RARB: variants seen among roughly 807,000 people sequenced by gnomAD.
RARB encodes HBV-activated protein.
In RARB, 17 loss-of-function variants were observed where a neutral mutation model predicts 51.9. That is an observed-to-expected ratio of 0.33 (90% CI 0.22 to 0.49). The LOEUF (loss-of-function observed/expected upper bound fraction) is 0.49, where lower values mean the gene tolerates loss of function less well. Among genes scored for constraint, RARB ranks in the 20% least tolerant of loss-of-function variants. RARB has a pLI of 0.99. For synonymous variants in RARB, 215 were observed against 195.4 expected (o/e 1.10, Z -0.84); for missense variants, 369 against 550.8 (o/e 0.67, Z 3.30).
In RARB at chr3:25,456,742, C is replaced by T. The variant is rs949828035; in HGVS notation, c.158-4451C>T. 2.8e-5 allele frequency among the ~76,000 whole-genome samples: 4 copies of T among 145,274 alleles called. No homozygotes were observed. In the Admixed American group the frequency reaches 2.8e-4, roughly 10 times the overall value. Reference sequence around the variant, plus strand: ...AGTCAAATACTTAATTTTTTACTACCAGTGGGAAAATTTTTCCAAAGATGA... The same window carrying T: ...AGTCAAATACTTAATTTTTTACTACTAGTGGGAAAATTTTTCCAAAGATGA... On this transcript the variant is annotated intron_variant, in intron 1 of 7. Transcript: ENST00000330688.
chr3:24,998,518 T>C (rs1697091729), intron 2 of RARB, among the ~76,000 whole-genome samples: 2 of 152,052 alleles, frequency 1.3e-5, no homozygotes, highest in Admixed American at 6.6e-5. Flanking sequence ...GTTTTTGCAG[T>C]ATTCCTTTTT....
intron 2 of RARB, among the ~76,000 whole-genome samples, chr3:25,499,802 A>C (rs543455775): frequency 6.6e-6 from 1 of 152,262 alleles, no homozygotes; most frequent in East Asian, 1.9e-4. Context: ...GGAAAAGAGA[A>C]TACCGGAATA....
intron 5 of RARB, among the ~76,000 whole-genome samples, chr3:25,222,203 A>G (rs1032760476): frequency 6.6e-6 from 1 of 152,200 alleles, no homozygotes; most frequent in African/African-American, 2.4e-5. Flanking sequence ...GGGCAGATAT[A>G]TGATGACTGC....
intron 3 of RARB, among the ~76,000 whole-genome samples, chr3:25,544,344 G>A (rs968403886): frequency 6.6e-6 from 1 of 152,174 alleles, no homozygotes; most frequent in African/African-American, 2.4e-5. Flanking sequence ...GTGAGCCCAT[G>A]TTGTTTTTTA....
At chr3:24,911,805 G>A (rs1269804041) in intron 2 of RARB, among the ~76,000 whole-genome samples, 1 of 152,134 alleles carries the variant, frequency 6.6e-6, no homozygotes, top group Non-Finnish European at 1.5e-5. Context: ...GTACCATATT[G>A]TGGATTAAAA....
intron 5 of RARB, among the ~76,000 whole-genome samples, chr3:25,367,817 C>CAAAA (rs369165017): frequency 5.6e-5 from 7 of 125,572 alleles, no homozygotes; most frequent in African/African-American, 1.3e-4. Flanking sequence ...AAAAAACAAG[C>CAAAA]AAAAAAAAAA....
At chr3:25,590,814 C>T (rs1559482677) in intron 5 of RARB, among the ~76,000 whole-genome samples, 1 of 152,230 alleles carries the variant, frequency 6.6e-6, no homozygotes, top group East Asian at 1.9e-4. Context: ...TGATAACTCC[C>T]TGCACAGACA....
At chr3:25,494,606 T>G (rs573425836) in intron 2 of RARB, among the ~76,000 whole-genome samples, 1 of 152,338 alleles carries the variant, frequency 6.6e-6, no homozygotes, top group African/African-American at 2.4e-5. Flanking sequence ...CTTGACTTAC[T>G]GTTTCTTCTG....
At chr3:25,160,066 T>A (rs1700449217) in intron 4 of RARB, among the ~76,000 whole-genome samples, 1 of 152,232 alleles carries the variant, frequency 6.6e-6, no homozygotes, top group Admixed American at 6.5e-5. Context: ...AGCTTCTCTC[T>A]ATAAACTCAC....
chr3:24,976,274 G>A (rs535437428), intron 2 of RARB, among the ~76,000 whole-genome samples: 7 of 152,146 alleles, frequency 4.6e-5, no homozygotes, highest in South Asian at 2.1e-4. Context: ...TAATTCTTTT[G>A]GTATATACTT....
At chr3:25,398,372 C>T (rs2125492479) in intron 5 of RARB, among the ~76,000 whole-genome samples, 1 of 152,206 alleles carries the variant, frequency 6.6e-6, no homozygotes, top group South Asian at 2.1e-4. Flanking sequence ...AAAGAAAAGC[C>T]ACAATAAGGC....
Position 25,516,631 on chromosome 3 carries a change from C to CTTTTTTTTTTTTTTTTTTTTTTTTTT in RARB, c.448+15321_448+15322insTTTTTTTTTTTTTTTTTTTTTTTTTT, listed in dbSNP as rs559135603. Among the ~76,000 whole-genome samples the CTTTTTTTTTTTTTTTTTTTTTTTTTT allele has an allele frequency of 2.0e-4, 27 of 131,722 alleles. 1 individual carries two copies. The highest frequency in any genetic ancestry group is 8.5e-4 in the African/African-American group (26 of 30,448). 86.4% of individuals were successfully genotyped at this position (131,722 alleles called of 152,430 possible). ...CAAAGGTTCATCTTTATTTCCTTGT[C>CTTTTTTTTTTTTTTTTTTTTTTTTTT]TTTTTTTTTTTTTGAGACAGGGTCA... is the stretch of plus-strand genomic sequence containing the variant. On this transcript the variant is annotated intron_variant, in intron 3 of 7. Transcript: ENST00000330688.
intron 3 of RARB, among the ~76,000 whole-genome samples, chr3:25,555,218 A>G (rs1022074176): frequency 2.6e-5 from 4 of 152,170 alleles, no homozygotes; most frequent in African/African-American, 9.7e-5. Context: ...AATACATGCA[A>G]TAGTTTCTGC....
At position 25,125,415 on chromosome 3, in the gene RARB, G is replaced by T. The variant is rs531862895; in HGVS notation, c.-327-6746G>T. Among the ~76,000 whole-genome samples, 68 of 152,286 alleles carry T rather than the reference G, an allele frequency of 4.5e-4. 1 individual carries two copies. Among genetic ancestry groups the T allele is most frequent in the Admixed American group, 2.0e-3 (30 of 15,276 alleles). On this transcript the variant is annotated intron_variant, in intron 3 of 11. Coordinates refer to the RARB transcript ENST00000383772. ...AGGACCGTTCTAATGAGAAGACAGAGCACAAGCAAATAAAGACACACAAAA... is the reference window on the plus strand; with the variant it reads ...AGGACCGTTCTAATGAGAAGACAGATCACAAGCAAATAAAGACACACAAAA...
At chr3:25,464,703 A>G (rs1012532907) in intron 2 of RARB, among the ~76,000 whole-genome samples, 7 of 152,172 alleles carry the variant, frequency 4.6e-5, no homozygotes, top group African/African-American at 1.2e-4. Flanking sequence ...AAAATTATCA[A>G]TACAGTATAG....
chr3:24,924,436 C>G (rs1048150507), intron 2 of RARB, among the ~76,000 whole-genome samples: 3 of 152,100 alleles, frequency 2.0e-5, no homozygotes, highest in Non-Finnish European at 4.4e-5. Flanking sequence ...TATCTGTGCT[C>G]CTCAGTATGG....
intron 3 of RARB, among the ~76,000 whole-genome samples, chr3:25,568,514 C>G (rs1220457906): frequency 2.6e-5 from 4 of 151,812 alleles, no homozygotes; most frequent in African/African-American, 7.3e-5. Context: ...TTCCTTTCTT[C>G]CCCCTTCTCA....
At chr3:25,125,435 A>C (rs1699846138) in intron 3 of RARB, among the ~76,000 whole-genome samples, 1 of 152,186 alleles carries the variant, frequency 6.6e-6, no homozygotes, top group Non-Finnish European at 1.5e-5. Flanking sequence ...ATAAAGACAC[A>C]CAAAATTGCA....
At chr3:25,425,316 A>G (rs1707960311), upstream of RARB, among the ~76,000 whole-genome samples, 1 of 152,124 alleles carries the variant, frequency 6.6e-6, no homozygotes, top group Non-Finnish European at 1.5e-5. Flanking sequence ...TCTTTCCTTC[A>G]TTTTACTTAA....
Sources: allele counts gnomAD v4.1 joint callset (sites outside exome capture counted in the v4.1 genomes callset), GRCh38; gene constraint gnomAD v4.1.1; transcripts MANE v1.5; gene names NCBI Gene and HGNC (gene_info 2026-07-23, HGNC 2026-07-21).